The following B4GALT5 variants were observed in gnomAD, a reference collection of about 807,000 sequenced individuals.
The protein encoded by B4GALT5 is beta-1,4-galactosyltransferase 5.
Under a neutral mutation model 45.0 loss-of-function variants are expected in B4GALT5, and 11 were observed. That is an observed-to-expected ratio of 0.24 (90% CI 0.15 to 0.40). B4GALT5 has a LOEUF of 0.40. Among genes scored for constraint, B4GALT5 ranks in the 10% least tolerant of loss-of-function variants. B4GALT5 has a pLI of 1.00. For synonymous variants in B4GALT5, 185 were observed against 182.9 expected (o/e 1.01, Z -0.09); for missense variants, 337 against 500.2 (o/e 0.67, Z 3.11).
At chr20:49,680,772 A>C (rs967939713) in intron 1 of B4GALT5, among the ~76,000 whole-genome samples, 4 of 152,186 alleles carry the variant, frequency 2.6e-5, no homozygotes, top group African/African-American at 9.6e-5. Flanking sequence ...GTATACTTCA[A>C]ATGATTTAAA....
At chr20:49,687,969 T>TAA (rs1261903982) in intron 1 of B4GALT5, among the ~76,000 whole-genome samples, 1 of 151,474 alleles carries the variant, frequency 6.6e-6, no homozygotes, top group Non-Finnish European at 1.5e-5. Flanking sequence ...TCCGGAAGGG[T>TAA]AAACCCTTTA....
At chr20:49,677,302 G>A (rs1296205693) in intron 1 of B4GALT5, among the ~76,000 whole-genome samples, 1 of 152,066 alleles carries the variant, frequency 6.6e-6, no homozygotes, top group Non-Finnish European at 1.5e-5. Context: ...CTAACAAGGT[G>A]CTTGGAACCT....
chr20:49,679,625 G>A (rs774904485), intron 1 of B4GALT5, among the ~76,000 whole-genome samples: 11 of 150,788 alleles, frequency 7.3e-5, no homozygotes, highest in African/African-American at 2.4e-5. Flanking sequence ...GCAGTGAGCC[G>A]AGATCCCACC....
At chr20:49,710,480 C>T (rs1226040600) in intron 1 of B4GALT5, among the ~76,000 whole-genome samples, 8 of 146,468 alleles carry the variant, frequency 5.5e-5, no homozygotes, top group Admixed American at 3.5e-4. Context: ...AGTGCAATGG[C>T]GCAATCTCGG....
intron 1 of B4GALT5, among the ~76,000 whole-genome samples, chr20:49,682,334 C>T (rs1430987968): frequency 6.6e-6 from 1 of 152,208 alleles, no homozygotes; most frequent in African/African-American, 2.4e-5. Context: ...ACTGCAGAGT[C>T]GAAAACGTTT....
chr20:49,653,554 G>A (rs867367554), intron 2 of B4GALT5, among the ~76,000 whole-genome samples: 4 of 152,240 alleles, frequency 2.6e-5, no homozygotes, highest in African/African-American at 9.6e-5. Context: ...TGGAGTCAGA[G>A]AATCAGCAAA....
intron 1 of B4GALT5, among the ~76,000 whole-genome samples, chr20:49,671,427 G>A (rs921331770): frequency 1.6e-4 from 25 of 152,184 alleles, no homozygotes; most frequent in Admixed American, 5.2e-4. Flanking sequence ...AATAATTTAC[G>A]CTAGGAGCAG....
chr20:49,663,685 A>AGAAG (rs375262032), intron 1 of B4GALT5, among the ~76,000 whole-genome samples: 1 of 60,096 alleles, frequency 1.7e-5, no homozygotes, highest in Admixed American at 2.0e-4. Context: ...GAAAAAAAAA[A>AGAAG]AAAAAATATA....
At chr20:49,679,392 G>A (rs1568727892) in intron 1 of B4GALT5, among the ~76,000 whole-genome samples, 1 of 151,996 alleles carries the variant, frequency 6.6e-6, no homozygotes, top group Non-Finnish European at 1.5e-5. Context: ...AATACCGAAA[G>A]TTAGTTAAAC....
intron 3 of B4GALT5, among the ~76,000 whole-genome samples, chr20:49,644,357 A>G (rs1411114342): frequency 6.6e-6 from 1 of 152,042 alleles, no homozygotes; most frequent in East Asian, 1.9e-4. Flanking sequence ...AAGTGCTGGG[A>G]TTATAGCTAT....
intron 1 of B4GALT5, among the ~76,000 whole-genome samples, chr20:49,664,404 G>A (rs929287149): frequency 1.4e-5 from 2 of 141,650 alleles, no homozygotes; most frequent in Non-Finnish European, 3.0e-5. Context: ...TATTTTTTTA[G>A]AGATGAGGTC....
At chr20:49,691,163 C>T (rs2085809309) in intron 1 of B4GALT5, among the ~76,000 whole-genome samples, 1 of 152,104 alleles carries the variant, frequency 6.6e-6, no homozygotes. Flanking sequence ...AAAAATGAGT[C>T]ATTCTGATTA....
At chr20:49,706,897 A>G (rs2085886475) in intron 1 of B4GALT5, among the ~76,000 whole-genome samples, 1 of 152,164 alleles carries the variant, frequency 6.6e-6, no homozygotes, top group South Asian at 2.1e-4. Flanking sequence ...AAGCAGCAAA[A>G]TTTAGGGAAG....
intron 1 of B4GALT5, among the ~76,000 whole-genome samples, chr20:49,686,808 A>G (rs1020246779): frequency 6.6e-6 from 1 of 151,258 alleles, no homozygotes; most frequent in African/African-American, 2.4e-5. Flanking sequence ...CTGAGGTGGA[A>G]GGATCCCTTC....
intron 1 of B4GALT5, among the ~76,000 whole-genome samples, chr20:49,667,794 C>A (rs762968898): frequency 6.6e-6 from 1 of 152,178 alleles, no homozygotes. Context: ...CCAATACTCA[C>A]GCTATAATGC....
chr20:49,693,482 T>G (rs796954039), intron 1 of B4GALT5, among the ~76,000 whole-genome samples: 13 of 152,288 alleles, frequency 8.5e-5, no homozygotes, highest in African/African-American at 3.1e-4. Flanking sequence ...GCAGTTTCTC[T>G]CTCCAAGGTG....
intron 1 of B4GALT5, among the ~76,000 whole-genome samples, chr20:49,706,980 T>C (rs779714192): frequency 2.6e-5 from 4 of 152,192 alleles, no homozygotes; most frequent in Non-Finnish European, 4.4e-5. Context: ...TAAAGAGGCA[T>C]GGCAACACAG....
intron 2 of B4GALT5, among the ~76,000 whole-genome samples, chr20:49,650,152 A>G (rs2085615599): frequency 6.6e-6 from 1 of 152,168 alleles, no homozygotes; most frequent in African/African-American, 2.4e-5. Flanking sequence ...ACAATGATAC[A>G]GTAAGCCTGG....
At chr20:49,661,290 T>C (rs2085663742) in intron 1 of B4GALT5, among the ~76,000 whole-genome samples, 1 of 152,138 alleles carries the variant, frequency 6.6e-6, no homozygotes, top group Admixed American at 6.5e-5. Context: ...AGCTGGAGTG[T>C]AGTGGCGCGT....
Sources: allele counts gnomAD v4.1 joint callset (sites outside exome capture counted in the v4.1 genomes callset), GRCh38; gene constraint gnomAD v4.1.1; transcripts MANE v1.5; gene names NCBI Gene and HGNC (gene_info 2026-07-23, HGNC 2026-07-21).